The following GALNTL6 variants were observed in gnomAD, a reference collection of about 807,000 sequenced individuals.
GALNTL6 encodes the protein polypeptide N-acetylgalactosaminyltransferase-like 6.
Under a neutral mutation model 73.7 loss-of-function variants are expected in GALNTL6, and 46 were observed. The observed-to-expected ratio is 0.62, with a 90% CI of 0.49 to 0.80. GALNTL6 has a LOEUF of 0.80. Among genes scored for constraint, GALNTL6 ranks in the 30% least tolerant of loss-of-function variants. The probability of loss-of-function intolerance (pLI) is 0.00; values close to 1 mark genes in which losing one functional copy is unlikely to be tolerated. For missense variants in GALNTL6, 604 were observed against 755.0 expected, an observed-to-expected ratio of 0.80 and a Z score of 2.34; for synonymous variants, 259 against 263.7, an observed-to-expected ratio of 0.98 and a Z score of 0.17.
chr4:172,740,189 A>T lies in GALNTL6; in HGVS notation c.554-69172A>T, dbSNP rs1276393139. On this transcript the variant is annotated intron_variant, in intron 5 of 12. Transcript: ENST00000506823. ...TTCTCCCCACGTGATTTATACCTTCACTTCCACATTGACCAAGAACCATTC... is the reference window on the plus strand; with the variant it reads ...TTCTCCCCACGTGATTTATACCTTCTCTTCCACATTGACCAAGAACCATTC... 2.0e-5 allele frequency among the ~76,000 whole-genome samples: 3 copies of T among 152,184 alleles called. No homozygotes were observed. The East Asian group carries it at 5.8e-4, about 29-fold the overall frequency.
rs1731659997 is a variant in GALNTL6, at chr4:172,437,087, C to G, written c.553+88398C>G. On this transcript the variant is annotated intron_variant, in intron 5 of 12. Coordinates refer to ENST00000506823, the MANE Select transcript of GALNTL6 (RefSeq NM_001034845.3). ...AAGATGTAGAGCAGTTCAGTCCACC[C>G]AACTACTTCATGTGTGCCTTTCCAG... Among the ~76,000 whole-genome samples the G allele has an allele frequency of 2.6e-5, 4 of 152,096 alleles. No individual in the cohort carries two copies. In the South Asian group the frequency reaches 8.3e-4, roughly 31 times the overall value.
At chr4:172,815,663 T>A (rs1351710578) in intron 7 of GALNTL6, among the ~76,000 whole-genome samples, 1 of 152,198 alleles carries the variant, frequency 6.6e-6, no homozygotes, top group Non-Finnish European at 1.5e-5. Context: ...TCAGGCTGAC[T>A]CTGACTATGG....
At position 172,679,411 on chromosome 4, in the gene GALNTL6, C is replaced by CA. The variant is rs61373196; in HGVS notation, c.554-129935dup. 5.4e-3 allele frequency among the ~76,000 whole-genome samples: 636 copies of CA among 117,578 alleles called. 3 individuals carry two copies. Among genetic ancestry groups the CA allele is most frequent in the South Asian group, 0.027 (98 of 3,682 alleles). The allele number at this position is 117,578 out of a possible 152,430, so 77.1% of individuals were successfully genotyped here. ...GGGCAATAAGAGAGAAACTCCATCT[C>CA]AAAAAAAAAAAAAAAGTAAAAGCCA... is the stretch of plus-strand genomic sequence containing the variant. On this transcript the variant is annotated intron_variant, in intron 5 of 12. Coordinates refer to ENST00000506823, the MANE Select transcript of GALNTL6 (RefSeq NM_001034845.3).
At chr4:172,657,947 G>T (rs1198576628) in intron 5 of GALNTL6, among the ~76,000 whole-genome samples, 1 of 145,346 alleles carries the variant, frequency 6.9e-6, no homozygotes, top group African/African-American at 2.6e-5. Context: ...TCAGGAGATC[G>T]AGACCATCCC....
At chr4:172,345,520 G>C (rs976249589) in intron 4 of GALNTL6, among the ~76,000 whole-genome samples, 1 of 152,152 alleles carries the variant, frequency 6.6e-6, no homozygotes, top group African/African-American at 2.4e-5. Flanking sequence ...TTATTTAAAA[G>C]TATTTCCAAG....
intron 2 of GALNTL6, among the ~76,000 whole-genome samples, chr4:172,056,145 T>G (rs1731013193): frequency 6.6e-6 from 1 of 152,136 alleles, no homozygotes; most frequent in Non-Finnish European, 1.5e-5. Context: ...TTCTGACACT[T>G]AACGAAAAAA....
At chr4:172,771,914 G>A (rs771429156) in intron 5 of GALNTL6, among the ~76,000 whole-genome samples, 2 of 151,954 alleles carry the variant, frequency 1.3e-5, no homozygotes, top group South Asian at 2.1e-4. Context: ...AATACAATTT[G>A]TATTAGTCTG....
At chr4:172,155,997 G>T (rs552118423) in intron 2 of GALNTL6, among the ~76,000 whole-genome samples, 5 of 152,084 alleles carry the variant, frequency 3.3e-5, no homozygotes, top group South Asian at 2.1e-4. Context: ...CAAGGCTCTT[G>T]TATCGGTTGG....
intron 5 of GALNTL6, among the ~76,000 whole-genome samples, chr4:172,750,705 A>G (rs1215423016): frequency 6.6e-6 from 1 of 152,224 alleles, no homozygotes; most frequent in African/African-American, 2.4e-5. Context: ...AGACATTGTT[A>G]TAATTTTGCT....
chr4:173,016,455 CT>C (rs1323076448), intron 11 of GALNTL6, among the ~76,000 whole-genome samples: 4 of 152,214 alleles, frequency 2.6e-5, no homozygotes, highest in Admixed American at 6.5e-5. Flanking sequence ...TGGAAGCCCA[CT>C]TCTTGCATCA....
At position 172,511,340 on chromosome 4, in the gene GALNTL6, G is replaced by A. The variant is rs184058413; in HGVS notation, c.553+162651G>A. On this transcript the variant is annotated intron_variant, in intron 5 of 12. Transcript: ENST00000506823. ...TTATTTGGATCTTCTCTTTTCTTTC[G>A]TTGGTTAATCTCACTAACGGTCTAT... Among the ~76,000 whole-genome samples, 13 of 54,136 alleles carry A rather than the reference G, an allele frequency of 2.4e-4. 6 individuals carry two copies. Among genetic ancestry groups the A allele is most frequent in the Admixed American group, 5.2e-4 (2 of 3,816 alleles). 35.5% of individuals were successfully genotyped at this position (54,136 alleles called of 152,430 possible). A position where few individuals can be genotyped will look rare whatever the true frequency, so the allele number is the denominator to read the frequency against.
At chr4:172,073,031 G>T (rs947140352) in intron 2 of GALNTL6, among the ~76,000 whole-genome samples, 3 of 151,990 alleles carry the variant, frequency 2.0e-5, no homozygotes, top group Admixed American at 2.0e-4. Context: ...TGCTTTTCAC[G>T]AAATACAATT....
chr4:172,981,986 G>C (rs1239827404), intron 10 of GALNTL6, among the ~76,000 whole-genome samples: 1 of 151,744 alleles, frequency 6.6e-6, no homozygotes, highest in Non-Finnish European at 1.5e-5. Context: ...GTAGAGACGG[G>C]GTTTCTCCAT....
chr4:172,123,186 T>G (rs1268498489), intron 2 of GALNTL6, among the ~76,000 whole-genome samples: 2 of 152,200 alleles, frequency 1.3e-5, no homozygotes, highest in Non-Finnish European at 2.9e-5. Context: ...CATTCTATGC[T>G]AGTTCTCAAA....
At chr4:172,928,997 T>TAAACA (rs1748195842) in intron 8 of GALNTL6, among the ~76,000 whole-genome samples, 2 of 152,212 alleles carry the variant, frequency 1.3e-5, no homozygotes, top group Admixed American at 1.3e-4. Context: ...TTTCTTAAGA[T>TAAACA]CCTGGGACAG....
intron 5 of GALNTL6, among the ~76,000 whole-genome samples, chr4:172,451,303 C>T (rs1732199192): frequency 6.6e-6 from 1 of 152,148 alleles, no homozygotes; most frequent in African/African-American, 2.4e-5. Context: ...TTGAACGTTA[C>T]CAGGAGATAT....
At chr4:172,014,188 G>A (rs531090376) in intron 2 of GALNTL6, among the ~76,000 whole-genome samples, 1 of 152,148 alleles carries the variant, frequency 6.6e-6, no homozygotes, top group East Asian at 1.9e-4. Context: ...ACATGGGAGT[G>A]CAGATATCTC....
intron 8 of GALNTL6, among the ~76,000 whole-genome samples, chr4:172,904,582 AG>A (rs530254949): frequency 1.1e-3 from 163 of 152,216 alleles, no homozygotes; most frequent in African/African-American, 3.8e-3. Flanking sequence ...TTCAGTGATG[AG>A]TCTGTTGGGG....
At chr4:172,092,751 A>T (rs2110943819) in intron 2 of GALNTL6, among the ~76,000 whole-genome samples, 1 of 151,932 alleles carries the variant, frequency 6.6e-6, no homozygotes, top group East Asian at 1.9e-4. Context: ...TTCTACCCCT[A>T]CCTTTTTGTG....
Sources: allele counts gnomAD v4.1 joint callset (sites outside exome capture counted in the v4.1 genomes callset), GRCh38; gene constraint gnomAD v4.1.1; transcripts MANE v1.5; gene names NCBI Gene and HGNC (gene_info 2026-07-23, HGNC 2026-07-21).